Variants in PRKD1 observed in about 807,000 individuals in gnomAD.
PRKD1 encodes the protein serine/threonine-protein kinase D1.
Under a neutral mutation model 95.9 loss-of-function variants are expected in PRKD1, and 63 were observed. That is an observed-to-expected ratio of 0.66 (90% CI 0.54 to 0.81). PRKD1 has a LOEUF of 0.81. Ranked by LOEUF, PRKD1 falls within the 30% of genes least tolerant of loss-of-function variation. The probability of loss-of-function intolerance (pLI) is 0.00; values close to 1 mark genes in which losing one functional copy is unlikely to be tolerated. For missense variants in PRKD1, 1,048 were observed against 1,165.3 expected, an observed-to-expected ratio of 0.90 and a Z score of 1.47; for synonymous variants, 425 against 423.1, an observed-to-expected ratio of 1.00 and a Z score of -0.05.
chr14:29,774,380 A>T (rs905088137), intron 1 of PRKD1, among the ~76,000 whole-genome samples: 1 of 152,212 alleles, frequency 6.6e-6, no homozygotes, highest in African/African-American at 2.4e-5. Flanking sequence ...TAGCAAAAGT[A>T]AGAGGAAGAG....
At chr14:29,791,427 T>G (rs1198175398) in intron 1 of PRKD1, among the ~76,000 whole-genome samples, 1 of 152,122 alleles carries the variant, frequency 6.6e-6, no homozygotes, top group East Asian at 1.9e-4. Context: ...ATATCCTTCA[T>G]CCCAAGGAAA....
At chr14:29,829,112 C>T (rs1312995187) in intron 1 of PRKD1, among the ~76,000 whole-genome samples, 1 of 152,140 alleles carries the variant, frequency 6.6e-6, no homozygotes, top group Non-Finnish European at 1.5e-5. Context: ...ATAATCATCC[C>T]TGGCCACAAG....
chr14:29,744,570 G>T (rs990200474), intron 1 of PRKD1, among the ~76,000 whole-genome samples: 1 of 152,032 alleles, frequency 6.6e-6, no homozygotes, highest in African/African-American at 2.4e-5. Flanking sequence ...AAACAAAACA[G>T]AATTTCACCC....
chr14:29,915,240 C>T (rs564758837), intron 1 of PRKD1, among the ~76,000 whole-genome samples: 44 of 152,314 alleles, frequency 2.9e-4, no homozygotes, highest in African/African-American at 1.0e-3. Context: ...AATTCAGTTA[C>T]ACAAGGTAAT....
chr14:29,627,267 C>T (rs1277965467), intron 11 of PRKD1, among the ~76,000 whole-genome samples: 1 of 152,210 alleles, frequency 6.6e-6, no homozygotes, highest in African/African-American at 2.4e-5. Flanking sequence ...CCACTTCTCC[C>T]TGTATGGCTA....
intron 1 of PRKD1, among the ~76,000 whole-genome samples, chr14:29,874,032 TC>T (rs1893203004): frequency 6.6e-6 from 1 of 152,212 alleles, no homozygotes; most frequent in Non-Finnish European, 1.5e-5. Flanking sequence ...GTTCTAACAT[TC>T]TTCACAAATA....
chr14:29,797,462 G>A lies in PRKD1; in HGVS notation c.265-71788C>T, dbSNP rs538733237. Among the ~76,000 whole-genome samples, 5 of 152,294 alleles carry A rather than the reference G, an allele frequency of 3.3e-5. No individual in the cohort carries two copies. The South Asian group carries it at 8.3e-4, about 25-fold the overall frequency. Reference sequence around the variant, plus strand: ...AATATCTGTCTGAAGTATCAGAATTGTACTGTTACAGCATATGAAACATGT... The same window carrying A: ...AATATCTGTCTGAAGTATCAGAATTATACTGTTACAGCATATGAAACATGT... On this transcript the variant is annotated intron_variant, in intron 1 of 17. Coordinates refer to ENST00000331968, the MANE Select transcript of PRKD1 (RefSeq NM_002742.3).
intron 4 of PRKD1, among the ~76,000 whole-genome samples, chr14:29,649,134 A>T: frequency 6.6e-6 from 1 of 152,040 alleles, no homozygotes; most frequent in East Asian, 1.9e-4. Flanking sequence ...GTTTTGTATG[A>T]CTCTGGCATG....
chr14:29,844,077 C>G (rs1891980817), intron 1 of PRKD1, among the ~76,000 whole-genome samples: 1 of 152,178 alleles, frequency 6.6e-6, no homozygotes, highest in South Asian at 2.1e-4. Context: ...TGTGGAGGGC[C>G]TGGGATAACT....
At position 29,815,949 on chromosome 14, in the gene PRKD1, G is replaced by A. The variant is rs1370354778; in HGVS notation, c.265-90275C>T. On this transcript the variant is annotated intron_variant, in intron 1 of 17. Coordinates refer to ENST00000331968, the MANE Select transcript of PRKD1 (RefSeq NM_002742.3). ...ACTTAGTCATATCAGGCCGGGCGCGGTGGCTCACACCTGTAATCCCATCAC... is the reference window on the plus strand; with the variant it reads ...ACTTAGTCATATCAGGCCGGGCGCGATGGCTCACACCTGTAATCCCATCAC... 2.0e-5 allele frequency among the ~76,000 whole-genome samples: 3 copies of A among 152,172 alleles called. No individual in the cohort carries two copies. The South Asian group carries it at 6.2e-4, about 31-fold the overall frequency.
At chr14:29,795,581 T>C (rs1889777989) in intron 1 of PRKD1, among the ~76,000 whole-genome samples, 2 of 152,144 alleles carry the variant, frequency 1.3e-5, no homozygotes, top group Non-Finnish European at 2.9e-5. Context: ...ACTCTTAAGG[T>C]TGAAATGAAT....
chr14:29,690,151 G>C (rs1884145243), intron 2 of PRKD1, among the ~76,000 whole-genome samples: 1 of 152,030 alleles, frequency 6.6e-6, no homozygotes, highest in Non-Finnish European at 1.5e-5. Context: ...AAGAAGAAGA[G>C]AGGTCTCCGT....
intron 1 of PRKD1, among the ~76,000 whole-genome samples, chr14:29,778,654 C>T (rs1160573227): frequency 6.6e-6 from 1 of 152,126 alleles, no homozygotes; most frequent in African/African-American, 2.4e-5. Flanking sequence ...TAATAGCACA[C>T]CATCCAAAAA....
chr14:29,654,429 C>T (rs1881716118), intron 4 of PRKD1, among the ~76,000 whole-genome samples: 1 of 152,130 alleles, frequency 6.6e-6, no homozygotes, highest in South Asian at 2.1e-4. Context: ...CTGTCTCGGC[C>T]TCCTAAAATG....
chr14:29,663,605 C>G, intron 4 of PRKD1, 94 bp downstream of exon 4: 1 of 1,411,920 alleles, frequency 7.1e-7, no homozygotes, highest in South Asian at 1.3e-5. Flanking sequence ...GCTGCATTCT[C>G]CCTCCTAGCG....
intron 2 of PRKD1, among the ~76,000 whole-genome samples, chr14:29,721,052 A>T (rs1003783196): frequency 1.3e-5 from 2 of 152,138 alleles, no homozygotes; most frequent in African/African-American, 2.4e-5. Flanking sequence ...CATCAACTAC[A>T]TCAAAATGGT....
rs1888963046 is a variant in PRKD1, at chr14:29,779,899, T to C, written c.265-54225A>G. On this transcript the variant is annotated intron_variant, in intron 1 of 17. Coordinates refer to ENST00000331968, the MANE Select transcript of PRKD1 (RefSeq NM_002742.3). ...CTGACTTCAAACTATACTACAAGGCTACAGTAACCAAAACAGCATGGTACT... is the reference window on the plus strand; with the variant it reads ...CTGACTTCAAACTATACTACAAGGCCACAGTAACCAAAACAGCATGGTACT... 4.6e-5 allele frequency among the ~76,000 whole-genome samples: 7 copies of C among 152,180 alleles called. No homozygotes were observed. The South Asian group carries it at 1.4e-3, about 32-fold the overall frequency.
chr14:29,648,235 T>G (rs1363571693), intron 4 of PRKD1, among the ~76,000 whole-genome samples: 2 of 152,172 alleles, frequency 1.3e-5, no homozygotes, highest in Non-Finnish European at 2.9e-5. Flanking sequence ...TTCTTTAACT[T>G]TTCTACTTCA....
intron 1 of PRKD1, among the ~76,000 whole-genome samples, chr14:29,762,495 A>C (rs1336259557): frequency 6.6e-6 from 1 of 152,196 alleles, no homozygotes; most frequent in Non-Finnish European, 1.5e-5. Context: ...TTCTACTTAC[A>C]AGATTCTTAT....
Sources: gnomAD v4.1 joint callset for allele counts (sites outside exome capture counted in the v4.1 genomes callset) on GRCh38, gnomAD v4.1.1 for gene constraint, MANE v1.5 for transcripts, NCBI Gene and HGNC (gene_info 2026-07-23, HGNC 2026-07-21) for gene names.